ZNF260: variants seen among roughly 807,000 people sequenced by gnomAD.
The protein encoded by ZNF260 is zfp-260.
Under a neutral mutation model 29.3 loss-of-function variants are expected in ZNF260, and 21 were observed. The observed-to-expected ratio is 0.72, with a 90% CI of 0.51 to 1.03. ZNF260 has a LOEUF of 1.03. Among genes scored for constraint, ZNF260 ranks in the 50% least tolerant of loss-of-function variants. The probability of loss-of-function intolerance (pLI) is 0.00; values close to 1 mark genes in which losing one functional copy is unlikely to be tolerated. For missense variants in ZNF260, 465 were observed against 487.8 expected (o/e 0.95, Z 0.44); for synonymous variants, 156 against 156.8 (o/e 0.99, Z 0.04).
chr19:36,516,905 G>A (rs562175501), intron 2 of ZNF260, among the ~76,000 whole-genome samples: 27 of 152,218 alleles, frequency 1.8e-4, no homozygotes, highest in Admixed American at 1.3e-3. Context: ...ATAAGGAATC[G>A]GTGAGAAACA....
At chr19:36,518,111 G>A (rs1441697412) in intron 2 of ZNF260, 1 of 152,070 alleles carries the variant, frequency 6.6e-6, no homozygotes, top group Non-Finnish European at 1.5e-5. Context: ...ATACAGCCAT[G>A]AGCCACCGCA....
At chr19:36,524,345 T>C (rs562931543) in intron 2 of ZNF260, among the ~76,000 whole-genome samples, 42 of 151,658 alleles carry the variant, frequency 2.8e-4, no homozygotes, top group Non-Finnish European at 4.7e-4. Context: ...CTGGCTAATT[T>C]TGTTTTTGTA....
At chr19:36,523,589 T>C (rs1173817432) in intron 2 of ZNF260, among the ~76,000 whole-genome samples, 1 of 150,272 alleles carries the variant, frequency 6.7e-6, no homozygotes, top group Non-Finnish European at 1.5e-5. Flanking sequence ...TTTTTTTTTT[T>C]TTTTTGAGAT....
intron 2 of ZNF260, among the ~76,000 whole-genome samples, chr19:36,519,583 T>C (rs1369113731): frequency 6.6e-6 from 1 of 152,214 alleles, no homozygotes; most frequent in East Asian, 1.9e-4. Context: ...GTTTATCCTA[T>C]ATCTTGAAAA....
chr19:36,525,742 A>G (rs969895375), intron 1 of ZNF260, among the ~76,000 whole-genome samples: 2 of 151,604 alleles, frequency 1.3e-5, no homozygotes, highest in Admixed American at 1.3e-4. Context: ...AACCAAGGTC[A>G]CGCCACTATA....
chr19:36,525,545 G>T (rs1447438397), intron 1 of ZNF260, among the ~76,000 whole-genome samples, 172 bp from the exon 2 acceptor site: 1 of 152,160 alleles, frequency 6.6e-6, no homozygotes, highest in African/African-American at 2.4e-5. Flanking sequence ...TCAGCACCTT[G>T]GGAGGCCGAG....
intron 1 of ZNF260, among the ~76,000 whole-genome samples, chr19:36,528,009 TCA>T (rs2034764066): frequency 6.7e-6 from 1 of 149,500 alleles, no homozygotes; most frequent in Non-Finnish European, 1.5e-5. Context: ...CAACACCCCC[TCA>T]CACTCTCGGT....
At chr19:36,515,890 A>G (rs1270035966) in intron 2 of ZNF260, among the ~76,000 whole-genome samples, 191 bp from the exon 3 acceptor site, 1 of 147,658 alleles carries the variant, frequency 6.8e-6, no homozygotes, top group Non-Finnish European at 1.5e-5. Context: ...TTTTTTTTTG[A>G]GATGGAATTT....
chr19:36,514,271 A>G lies in ZNF260; in HGVS notation c.968T>C (p.Val323Ala), dbSNP rs747215641. The stretch of plus-strand genomic sequence containing the variant: ...AGGCTTATCACCTGTATGAATTCTC[A>G]CATGTACAATAAGTGATGTGATTCG... The part of the protein sequence containing the change: ...FSRITSLIVH[V>A]RIHTGDKPYE... Residue 323 changes from valine (V) to alanine (A), a missense_variant, in exon 3 of 3, where the codon GTG becomes GCG. Coordinates refer to ENST00000523638, the MANE Select transcript of ZNF260 (RefSeq NM_001166037.2). The G allele has an allele frequency of 6.2e-7, 1 of 1,614,030 alleles. No homozygotes were observed. Among genetic ancestry groups the G allele is most frequent in the South Asian group, 1.1e-5 (1 of 91,066 alleles).
chr19:36,526,523 G>A (rs894285607), intron 1 of ZNF260, among the ~76,000 whole-genome samples: 2 of 152,164 alleles, frequency 1.3e-5, no homozygotes. Context: ...CTGGGTGACA[G>A]AGTGAGACTC....
At position 36,514,972 on chromosome 19, in the gene ZNF260, T is replaced by C; in HGVS notation, c.267A>G (p.Gly89=). The stretch of plus-strand genomic sequence containing the variant: ...AGTTTTCCTTCTGGCTGAAGGCTTT[T>C]CCACATTTATTACATTTATATGCCT... The part of the protein sequence containing the change: ...GKKAYKCNKC[G]KAFSQKENFL... Residue 89 remains glycine (G), a synonymous_variant, in exon 3 of 3, where the codon GGA becomes GGG. Transcript: ENST00000523638. 6.2e-7 allele frequency: 1 copy of C among 1,614,092 alleles called. No individual in the cohort carries two copies. Among genetic ancestry groups the C allele is most frequent in the Non-Finnish European group, 8.5e-7 (1 of 1,180,000 alleles).
Position 36,514,649 on chromosome 19 carries a change from C to T in ZNF260, c.590G>A (p.Cys197Tyr). ...TGKKPFKCSE[C>Y]GKAFSQKENL... ...TTCCTTCTGGCTAAAAGCTTTTCCA[C>T]ACTCACTACATTTAAAGGGCTTCTT... Residue 197 changes from cysteine (C) to tyrosine (Y), a missense_variant, in exon 3 of 3, where the codon TGT (cysteine) becomes TAT (tyrosine). Transcript: ENST00000523638. The T allele has an allele frequency of 6.2e-7, 1 of 1,614,066 alleles. No homozygotes were observed. Among genetic ancestry groups the T allele is most frequent in the Non-Finnish European group, 8.5e-7 (1 of 1,180,002 alleles).
chr19:36,524,658 T>C (rs1378599128), intron 2 of ZNF260, among the ~76,000 whole-genome samples: 6 of 151,798 alleles, frequency 4.0e-5, no homozygotes, highest in African/African-American at 1.5e-4. Flanking sequence ...CAGAGGACCC[T>C]GCGGCCTTCC....
chr19:36,515,197 G>A lies in ZNF260; in HGVS notation c.42C>T (p.Leu14=). ...MLESLQHESD[L]LQHDQIHTGE... ...CAGTATGAATTTGATCATGCTGAAG[G>A]AGATCTGATTCATGCTGAAGACTTT... The change falls in exon 3 of 3, where the codon CTC becomes CTT. Residue 14 remains leucine (L), a synonymous_variant. Transcript: ENST00000523638. 6.2e-7 allele frequency: 1 copy of A among 1,604,806 alleles called. No individual in the cohort carries two copies. The highest frequency in any genetic ancestry group is 8.5e-7 in the Non-Finnish European group (1 of 1,174,202).
Position 36,514,053 on chromosome 19 carries a change from CT to C in ZNF260, c.1185del (p.Ala396LeufsTer36). ...ATGTGATGTGACTTTTGGCTGAAAGCTTTCCCACATTCACTACACTGATAAG... is the reference window on the plus strand; with the variant it reads ...ATGTGATGTGACTTTTGGCTGAAAGCTTCCCACATTCACTACACTGATAAG... ...EKPYQCSECG[K>X]AFSQKSHHIR... On this transcript the variant is annotated frameshift_variant, in exon 3 of 3. Transcript: ENST00000523638. LOFTEE classifies it high-confidence loss of function. 1 of 1,613,940 alleles carries C rather than the reference CT, an allele frequency of 6.2e-7. No homozygotes were observed. Among genetic ancestry groups the C allele is most frequent in the South Asian group, 1.1e-5 (1 of 91,080 alleles).
At chr19:36,520,667 A>T (rs1446040240) in intron 2 of ZNF260, among the ~76,000 whole-genome samples, 1 of 152,122 alleles carries the variant, frequency 6.6e-6, no homozygotes, top group African/African-American at 2.4e-5. Context: ...TCTGGCTAAC[A>T]TGGTGAAACC....
In ZNF260 at chr19:36,513,725, AG is replaced by A. The variant is rs2034489920; in HGVS notation, c.*274del. 2.2e-6 allele frequency: 1 copy of A among 460,700 alleles called. No homozygotes were observed. The allele number at this position is 460,700 out of a possible 1,614,324, so 28.5% of individuals were successfully genotyped here. A position where few individuals can be genotyped will look rare whatever the true frequency, so the allele number is the denominator to read the frequency against. On this transcript the variant is annotated 3_prime_UTR_variant, in exon 3 of 3. Transcript: ENST00000523638. ...TTCTTAATGCATCTGTAGGCCTTCC[AG>A]GAACACATTAAGTAGTGTCCATGAC...
Position 36,515,461 on chromosome 19 carries a change from G to T in ZNF260, c.-223C>A. ...GTAACATTCTCTTTATATTCTTAAT[G>T]GTTCTTATATAGCTTCTCCCATATT... On this transcript the variant is annotated 5_prime_UTR_variant, in exon 3 of 3. Transcript: ENST00000523638. 2.2e-6 allele frequency: 1 copy of T among 463,048 alleles called. No individual in the cohort carries two copies. Among genetic ancestry groups the T allele is most frequent in the Admixed American group, 3.9e-5 (1 of 25,750 alleles). 28.7% of individuals were successfully genotyped at this position (463,048 alleles called of 1,614,324 possible).
chr19:36,524,527 T>TG (rs1351615816), intron 2 of ZNF260, among the ~76,000 whole-genome samples: 20 of 109,166 alleles, frequency 1.8e-4, no homozygotes, highest in African/African-American at 6.0e-4. Context: ...GTTTTTTTTT[T>TG]TTTTTTTATT....
Sources: gnomAD v4.1 joint callset for allele counts (sites outside exome capture counted in the v4.1 genomes callset) on GRCh38, gnomAD v4.1.1 for gene constraint, MANE v1.5 for transcripts, NCBI Gene and HGNC (gene_info 2026-07-23, HGNC 2026-07-21) for gene names.